MRE11: variants seen among roughly 807,000 people sequenced by gnomAD.
MRE11 encodes double-strand break repair protein MRE11.
Under a neutral mutation model 91.7 loss-of-function variants are expected in MRE11, and 62 were observed. The ratio of observed to expected loss-of-function variants is 0.68; its 90% CI spans 0.55 to 0.84. The LOEUF (loss-of-function observed/expected upper bound fraction) is 0.84. Ranked by LOEUF, MRE11 falls within the 40% of genes least tolerant of loss-of-function variation. MRE11 has a pLI of 0.00. For missense variants in MRE11, 796 were observed against 852.9 expected, an observed-to-expected ratio of 0.93 and a Z score of 0.83; for synonymous variants, 273 against 271.4, an observed-to-expected ratio of 1.01 and a Z score of -0.06.
chr11:94,503,727 C>A, the MRE11 span, among the ~76,000 whole-genome samples: 43 of 142,704 alleles, frequency 3.0e-4, 1 homozygote, highest in South Asian at 9.7e-3. Flanking sequence ...ACGTTAAAAT[C>A]GGGATTTTTA....
rs1359836727 is a variant in MRE11 at position 94,437,170 on chromosome 11, T to G, written c.1926+7A>C. On this transcript the variant is annotated splice_region_variant and intron_variant, in intron 17 of 19. Transcript: ENST00000323929. The stretch of plus-strand genomic sequence containing the variant: ...TTAATACACAACCATAAAACTTTTT[T>G]TCTTACCTCTGAATAATTCTTAGTA... 1 of 1,610,222 alleles carries G rather than the reference T, an allele frequency of 6.2e-7. No individual in the cohort carries two copies.
intron 16 of MRE11, among the ~76,000 whole-genome samples, chr11:94,444,945 T>A (rs540578448): frequency 1.3e-5 from 2 of 152,290 alleles, no homozygotes; most frequent in African/African-American, 4.8e-5. Context: ...TATCACCACC[T>A]ATCTTAATGC....
chr11:94,485,999 C>A lies in MRE11; in HGVS notation c.239G>T (p.Arg80Ile), dbSNP rs587782472. The change falls in exon 4 of 20, where the codon AGA becomes ATA. Residue 80 changes from arginine (R) to isoleucine (I), a missense_variant. Physicochemically the swap from Arg to Ile is moderately conservative, Grantham distance 97 (BLOSUM62 -3). Transcript: ENST00000323929. ...AGGCCGATCACCCATACAATATTTT[C>A]TTAATAACTCGAGGCAGGTATGTAA... is the stretch of plus-strand genomic sequence containing the variant. ...KTLHTCLELL[R>I]KYCMGDRPVQ... 12 of 1,613,832 alleles carry A rather than the reference C, an allele frequency of 7.4e-6. No homozygotes were observed. The highest frequency in any genetic ancestry group is 1.0e-5 in the Non-Finnish European group (12 of 1,179,940).
At chr11:94,482,205 T>C (rs989157571) in intron 4 of MRE11, among the ~76,000 whole-genome samples, 3 of 152,214 alleles carry the variant, frequency 2.0e-5, no homozygotes, top group Admixed American at 6.5e-5. Flanking sequence ...ATTTTTCTTA[T>C]CATCTCAATC....
chr11:94,494,394 A>G (rs1032723072), upstream of MRE11, among the ~76,000 whole-genome samples: 8 of 152,164 alleles, frequency 5.3e-5, no homozygotes, highest in African/African-American at 1.9e-4. Context: ...AGCGAAAAAT[A>G]ATGTAGAACT....
chr11:94,478,977 C>T (rs1041047947), intron 5 of MRE11, 101 bp from the exon 6 acceptor site: 1 of 1,304,444 alleles, frequency 7.7e-7, no homozygotes. Flanking sequence ...ATTCTACTTA[C>T]AAAAACATAG....
chr11:94,469,637 C>T (rs1275227203), intron 9 of MRE11, among the ~76,000 whole-genome samples: 2 of 152,100 alleles, frequency 1.3e-5, no homozygotes, highest in African/African-American at 4.8e-5. Flanking sequence ...AAAGCTGTGA[C>T]ACTGAATGAG....
At chr11:94,479,240 C>T (rs1565234232) in intron 5 of MRE11, among the ~76,000 whole-genome samples, 2 of 152,058 alleles carry the variant, frequency 1.3e-5, no homozygotes, top group African/African-American at 4.8e-5. Context: ...TATTAATGAC[C>T]AGATAAAATG....
upstream of MRE11, chr11:94,497,274 ATTATT>A (rs933076693): frequency 3.8e-5 from 18 of 475,854 alleles, no homozygotes; most frequent in Non-Finnish European, 6.3e-5. Context: ...ACCTTATTAC[ATTATT>A]TTATTTAATC....
At chr11:94,465,632 A>C (rs1055122395) in intron 10 of MRE11, among the ~76,000 whole-genome samples, 2 of 151,928 alleles carry the variant, frequency 1.3e-5, no homozygotes, top group Non-Finnish European at 2.9e-5. Context: ...CTGACGTCAG[A>C]TGATTCAGCC....
the MRE11 span, among the ~76,000 whole-genome samples, chr11:94,500,794 T>C: frequency 1.3e-5 from 2 of 152,188 alleles, no homozygotes; most frequent in Admixed American, 6.5e-5. Flanking sequence ...TACTACAATC[T>C]GAAGACATTT....
chr11:94,419,494 G>GAGAGAGAGAGAGA lies in MRE11; in HGVS notation c.*630_*631insTCTCTCTCTCTCT, dbSNP rs1945114331. ...AGAGAGAGAGAGAGAGAGAGAGAGA[G>GAGAGAGAGAGAGA]AACACCATTAAGGATACAGAATAAT... On this transcript the variant is annotated 3_prime_UTR_variant, in exon 20 of 20. Transcript: ENST00000323929. 4.3e-6 allele frequency: 1 copy of GAGAGAGAGAGAGA among 231,584 alleles called. No individual in the cohort carries two copies. The highest frequency in any genetic ancestry group is 6.1e-5 in the East Asian group (1 of 16,470). The allele number at this position is 231,584 out of a possible 1,614,324, so 14.3% of individuals were successfully genotyped here. A position where few individuals can be genotyped will look rare whatever the true frequency, so the allele number is the denominator to read the frequency against.
the MRE11 span, among the ~76,000 whole-genome samples, chr11:94,508,645 T>C: frequency 6.6e-6 from 1 of 152,218 alleles, no homozygotes; most frequent in African/African-American, 2.4e-5. Flanking sequence ...TTTGCCCCAA[T>C]ACCACAGTTT....
intron 18 of MRE11, among the ~76,000 whole-genome samples, chr11:94,435,414 C>A (rs190977153): frequency 1.3e-5 from 2 of 151,912 alleles, no homozygotes; most frequent in Non-Finnish European, 2.9e-5. Context: ...AAATTAGCCA[C>A]GTGTGGTGGT....
upstream of MRE11, chr11:94,497,800 C>A: frequency 1.1e-5 from 4 of 359,576 alleles, no homozygotes; most frequent in South Asian, 5.2e-5. Flanking sequence ...TGCAATAAAC[C>A]TTAGTTGGAC....
At chr11:94,498,539 T>C (rs772650392), upstream of MRE11, 1 of 1,596,376 alleles carries the variant, frequency 6.3e-7, no homozygotes, top group South Asian at 1.1e-5. Flanking sequence ...TTAACAATTC[T>C]AGTAATTTTC....
chr11:94,436,299 T>C (rs1945611823), intron 17 of MRE11, among the ~76,000 whole-genome samples: 1 of 152,230 alleles, frequency 6.6e-6, no homozygotes, highest in African/African-American at 2.4e-5. Flanking sequence ...ATCTTTCTGT[T>C]AAATCTGTCC....
In MRE11 at chr11:94,417,867, C is replaced by G. The variant is rs886048748; in HGVS notation, c.*2258G>C. 14 of 232,900 alleles carry G rather than the reference C, an allele frequency of 6.0e-5. No homozygotes were observed. The highest frequency in any genetic ancestry group is 2.9e-4 in the African/African-American group (13 of 45,308). The allele number at this position is 232,900 out of a possible 1,614,324, so 14.4% of individuals were successfully genotyped here. ...GCACCACTTATATTTTCAAGAATTT[C>G]CTAGAACTTCGAGGAATCTTTAACC... On this transcript the variant is annotated 3_prime_UTR_variant, in exon 20 of 20. Transcript: ENST00000323929.
chr11:94,445,061 T>C (rs13447706), intron 16 of MRE11, among the ~76,000 whole-genome samples: 1,652 of 152,246 alleles, frequency 0.011, 27 homozygotes, highest in African/African-American at 0.038. Flanking sequence ...CCATAGGATA[T>C]ACACAAATTA....
Sources: gnomAD v4.1 joint callset for allele counts (sites outside exome capture counted in the v4.1 genomes callset) on GRCh38, gnomAD v4.1.1 for gene constraint, MANE v1.5 for transcripts, NCBI Gene and HGNC (gene_info 2026-07-23, HGNC 2026-07-21) for gene names.